The following MITF variants were observed in gnomAD, a reference collection of about 807,000 sequenced individuals.
MITF encodes melanocyte inducing transcription factor.
MITF carries 17 observed loss-of-function variants against 60.5 expected under a neutral mutation model. The ratio of observed to expected loss-of-function variants is 0.28; its 90% confidence interval spans 0.19 to 0.42. MITF has a LOEUF of 0.42. Ranked by LOEUF, MITF falls within the 10% of genes least tolerant of loss-of-function variation. The pLI is 1.00. For missense variants in MITF, 622 were observed against 683.5 expected, an observed-to-expected ratio of 0.91 and a Z score of 1.00; for synonymous variants, 260 against 248.5, an observed-to-expected ratio of 1.05 and a Z score of -0.43.
At chr3:69,797,016 A>G (rs1575728386) in intron 1 of MITF, among the ~76,000 whole-genome samples, 1 of 152,250 alleles carries the variant, frequency 6.6e-6, no homozygotes, top group Non-Finnish European at 1.5e-5. Flanking sequence ...TGACTCTAAC[A>G]TAAGCTAAAT....
intron 2 of MITF, among the ~76,000 whole-genome samples, chr3:69,917,544 C>G (rs1027326681): frequency 1.2e-4 from 18 of 152,050 alleles, no homozygotes; most frequent in African/African-American, 4.3e-4. Flanking sequence ...CATTAAATCT[C>G]TCCTTATATA....
intron 2 of MITF, among the ~76,000 whole-genome samples, chr3:69,923,452 C>T (rs970226495): frequency 6.6e-6 from 1 of 152,182 alleles, no homozygotes; most frequent in Non-Finnish European, 1.5e-5. Context: ...TCAATCAATT[C>T]TCCTGCCTCA....
At chr3:69,876,392 T>C (rs1020165354) in intron 1 of MITF, among the ~76,000 whole-genome samples, 3 of 152,264 alleles carry the variant, frequency 2.0e-5, no homozygotes, top group Non-Finnish European at 4.4e-5. Flanking sequence ...TTTATTTATT[T>C]TAAAATAACT....
chr3:69,754,489 C>T lies in MITF; in HGVS notation c.104+14788C>T, dbSNP rs371993075. Among the ~76,000 whole-genome samples, 19 of 152,290 alleles carry T rather than the reference C, an allele frequency of 1.2e-4. No homozygotes were observed. The East Asian group carries it at 3.3e-3, about 26-fold the overall frequency. On this transcript the variant is annotated intron_variant, in intron 1 of 9. Transcript: ENST00000352241. ...TGTCACTCTCTCTTGCTCCTGCTTC[C>T]ACCATGTGAGATGGCTCACTCCCAC... is the stretch of plus-strand genomic sequence containing the variant.
At chr3:69,777,296 T>G (rs572746394) in intron 1 of MITF, among the ~76,000 whole-genome samples, 1 of 152,350 alleles carries the variant, frequency 6.6e-6, no homozygotes, top group East Asian at 1.9e-4. Flanking sequence ...CAATGTTATA[T>G]CTTGTTTGTG....
chr3:69,810,550 A>G (rs1471890076), intron 1 of MITF, among the ~76,000 whole-genome samples: 3 of 150,160 alleles, frequency 2.0e-5, no homozygotes, highest in African/African-American at 7.6e-5. Flanking sequence ...TCTTTTATCA[A>G]AAGATCAGTT....
rs543735525 is a variant in MITF at position 69,958,063 on chromosome 3, A to AT, written c.1032-1210_1032-1209insT. ...CCCTCTTATTACCAAACAAAAAAAA[A>AT]GTTTGAAAACCCTTTCTTAAACTCA... On this transcript the variant is annotated intron_variant, in intron 8 of 9. Coordinates refer to ENST00000352241, the MANE Select transcript of MITF (RefSeq NM_001354604.2). Among the ~76,000 whole-genome samples the AT allele has an allele frequency of 1.1e-3, 170 of 152,364 alleles. 2 individuals carry two copies. The highest frequency in any genetic ancestry group is 3.1e-3 in the East Asian group (16 of 5,184).
chr3:69,951,179 C>T (rs1264467545), intron 6 of MITF, among the ~76,000 whole-genome samples: 1 of 147,432 alleles, frequency 6.8e-6, no homozygotes, highest in Non-Finnish European at 1.5e-5. Flanking sequence ...CTCACTACAA[C>T]CTCGACCTCC....
intron 1 of MITF, among the ~76,000 whole-genome samples, chr3:69,808,310 T>C (rs2063043783): frequency 6.6e-6 from 1 of 151,660 alleles, no homozygotes; most frequent in South Asian, 2.1e-4. Context: ...CCTTTGAGAG[T>C]CAAGGGGGGC....
chr3:69,941,620 C>G (rs1179724325), intron 5 of MITF, among the ~76,000 whole-genome samples: 3 of 152,084 alleles, frequency 2.0e-5, no homozygotes, highest in Admixed American at 6.6e-5. Flanking sequence ...AATGCCCAAC[C>G]CAGTACACTG....
chr3:69,925,198 G>A (rs1235495597), intron 2 of MITF, among the ~76,000 whole-genome samples: 1 of 152,034 alleles, frequency 6.6e-6, no homozygotes, highest in East Asian at 1.9e-4. Flanking sequence ...GCAACTATTA[G>A]GTAGGTAGGA....
chr3:69,880,253 G>A (rs1029761936), intron 2 of MITF, among the ~76,000 whole-genome samples: 2 of 152,018 alleles, frequency 1.3e-5, no homozygotes, highest in African/African-American at 4.8e-5. Context: ...ATTGGTTTTT[G>A]CATTCATCCA....
At chr3:69,870,301 TACACATACATATATACATGTATATATAC>T (rs1486251102) in intron 1 of MITF, among the ~76,000 whole-genome samples, 2 of 137,672 alleles carry the variant, frequency 1.5e-5, no homozygotes, top group East Asian at 4.0e-4. Context: ...TTTATATATA[TACACATACATATATACATGTATATATAC>T]ACACATACAT....
intron 1 of MITF, among the ~76,000 whole-genome samples, chr3:69,773,809 AAC>A (rs1276763856): frequency 6.6e-6 from 1 of 152,228 alleles, no homozygotes; most frequent in South Asian, 2.1e-4. Flanking sequence ...GGTAAGGGTA[AAC>A]ACAGATTATA....
chr3:69,933,966 A>G (rs2065777976), intron 2 of MITF, among the ~76,000 whole-genome samples: 2 of 152,196 alleles, frequency 1.3e-5, no homozygotes, highest in African/African-American at 4.8e-5. Flanking sequence ...AGGGCTATAG[A>G]GCCTCATAAT....
chr3:69,942,817 T>A (rs2066000351), intron 5 of MITF, among the ~76,000 whole-genome samples: 1 of 152,062 alleles, frequency 6.6e-6, no homozygotes, highest in African/African-American at 2.4e-5. Context: ...CCTGGGGAAT[T>A]TATAAATATA....
chr3:69,877,374 C>A (rs556571986), intron 1 of MITF, among the ~76,000 whole-genome samples: 2 of 151,450 alleles, frequency 1.3e-5, no homozygotes, highest in African/African-American at 4.8e-5. Flanking sequence ...TGTTGTTAAG[C>A]TGTTTTAATA....
chr3:69,748,801 T>C (rs1212894273), intron 1 of MITF, among the ~76,000 whole-genome samples: 2 of 152,206 alleles, frequency 1.3e-5, no homozygotes, highest in African/African-American at 4.8e-5. Context: ...AAAGTGGTTG[T>C]CCCCACTGTT....
intron 1 of MITF, among the ~76,000 whole-genome samples, chr3:69,801,077 T>G (rs2062911972): frequency 6.6e-6 from 1 of 150,706 alleles, no homozygotes. Context: ...TTTTTTACCT[T>G]GAAATGCTAT....
Sources: gnomAD v4.1 joint callset for allele counts (sites outside exome capture counted in the v4.1 genomes callset) on GRCh38, gnomAD v4.1.1 for gene constraint, MANE v1.5 for transcripts, NCBI Gene and HGNC (gene_info 2026-07-23, HGNC 2026-07-21) for gene names.